Variants in PKIB observed in about 807,000 individuals in gnomAD.
PKIB encodes the protein cAMP-dependent protein kinase inhibitor beta.
Under a neutral mutation model 4.5 loss-of-function variants are expected in PKIB, and 2 were observed. The ratio of observed to expected loss-of-function variants is 0.44; its 90% CI spans 0.18 to 1.39. The LOEUF is 1.39. Ranked by LOEUF, PKIB falls within the 40% of genes most tolerant of loss-of-function variation. PKIB has a pLI of 0.27. For synonymous variants in PKIB, 38 were observed against 36.0 expected (o/e 1.06, Z -0.20); for missense variants, 94 against 92.6 (o/e 1.02, Z -0.06).
At chr6:122,489,367 C>G (rs911999406) in intron 2 of PKIB, among the ~76,000 whole-genome samples, 5 of 152,070 alleles carry the variant, frequency 3.3e-5, no homozygotes, top group African/African-American at 4.8e-5. Context: ...CCTGCCTCAG[C>G]CTCCTGAGTA....
At chr6:122,681,482 T>C (rs1239708284) in intron 3 of PKIB, among the ~76,000 whole-genome samples, 2 of 152,214 alleles carry the variant, frequency 1.3e-5, no homozygotes, top group Non-Finnish European at 2.9e-5. Flanking sequence ...ACTCCAATGA[T>C]ATAACATTTC....
intron 2 of PKIB, among the ~76,000 whole-genome samples, chr6:122,499,618 A>C (rs535336598): frequency 1.2e-4 from 18 of 152,322 alleles, no homozygotes; most frequent in African/African-American, 4.3e-4. Flanking sequence ...GAATGGACAA[A>C]AGCTGGAAGC....
At chr6:122,595,497 G>A (rs959244331) in intron 3 of PKIB, among the ~76,000 whole-genome samples, 3 of 152,154 alleles carry the variant, frequency 2.0e-5, no homozygotes, top group Non-Finnish European at 4.4e-5. Flanking sequence ...TCCACAGATG[G>A]TAGTCTTGGC....
intron 3 of PKIB, among the ~76,000 whole-genome samples, chr6:122,603,641 C>T (rs138073708): frequency 5.9e-5 from 9 of 152,070 alleles, no homozygotes; most frequent in Admixed American, 1.3e-4. Context: ...CTACCACGCC[C>T]GGCTAATTTA....
intron 2 of PKIB, among the ~76,000 whole-genome samples, chr6:122,646,852 T>C (rs11154102): frequency 0.25 from 38,708 of 152,124 alleles, 5,409 homozygotes; most frequent in East Asian, 0.37. Flanking sequence ...ATATTTCTAG[T>C]ACACCCTTGG....
At chr6:122,497,311 C>T (rs142993611) in intron 2 of PKIB, among the ~76,000 whole-genome samples, 36 of 152,308 alleles carry the variant, frequency 2.4e-4, no homozygotes, top group Admixed American at 2.0e-3. Flanking sequence ...ACAACAACTA[C>T]ACAATAGCAA....
At chr6:122,607,260 G>C (rs1039793338), upstream of PKIB, among the ~76,000 whole-genome samples, 8 of 151,714 alleles carry the variant, frequency 5.3e-5, no homozygotes, top group Non-Finnish European at 7.4e-5. Flanking sequence ...GATCGCTTGA[G>C]CCCAGGAGTT....
At chr6:122,609,211 T>C (rs933554400), upstream of PKIB, among the ~76,000 whole-genome samples, 1 of 152,132 alleles carries the variant, frequency 6.6e-6, no homozygotes, top group African/African-American at 2.4e-5. Context: ...TTCAGAAAAA[T>C]CACAGCTTTA....
chr6:122,582,986 A>G (rs1296821362), intron 2 of PKIB, among the ~76,000 whole-genome samples: 1 of 152,074 alleles, frequency 6.6e-6, no homozygotes, highest in East Asian at 1.9e-4. Context: ...ATTGATTAAT[A>G]CTTAGTCATA....
intron 2 of PKIB, among the ~76,000 whole-genome samples, chr6:122,533,055 A>T (rs1777303097): frequency 6.6e-6 from 1 of 152,198 alleles, no homozygotes; most frequent in Middle Eastern, 3.4e-3. Flanking sequence ...GCAGTTCTTT[A>T]TATATTTGGG....
intron 2 of PKIB, among the ~76,000 whole-genome samples, chr6:122,533,234 A>G (rs1777311947): frequency 6.6e-6 from 1 of 151,950 alleles, no homozygotes; most frequent in Admixed American, 6.6e-5. Context: ...CAGTGGCATG[A>G]TCTTGGCTCA....
intron 2 of PKIB, among the ~76,000 whole-genome samples, chr6:122,658,822 T>C (rs1776873420): frequency 1.1e-5 from 1 of 90,396 alleles, no homozygotes; most frequent in South Asian, 5.9e-4. Context: ...ATGTTAACAG[T>C]AGCATTTATT....
intron 2 of PKIB, among the ~76,000 whole-genome samples, chr6:122,669,599 T>C (rs1038665303): frequency 2.6e-5 from 4 of 152,322 alleles, no homozygotes; most frequent in African/African-American, 4.8e-5. Context: ...GTATATACTA[T>C]ACAAAATTGC....
At chr6:122,636,251 G>T (rs1582761813) in intron 2 of PKIB, among the ~76,000 whole-genome samples, 1 of 151,860 alleles carries the variant, frequency 6.6e-6, no homozygotes. Context: ...GCCTCTCAAA[G>T]GTTATAATTA....
At chr6:122,608,787 T>C (rs1189314851), upstream of PKIB, among the ~76,000 whole-genome samples, 1 of 152,124 alleles carries the variant, frequency 6.6e-6, no homozygotes, top group Admixed American at 6.5e-5. Flanking sequence ...CTCACATTGA[T>C]CCCAAAATAC....
intron 2 of PKIB, among the ~76,000 whole-genome samples, chr6:122,558,749 A>T (rs1018703270): frequency 6.6e-6 from 1 of 152,074 alleles, no homozygotes; most frequent in African/African-American, 2.4e-5. Flanking sequence ...TAATCAATTG[A>T]TTAATATATA....
rs189098861 is a variant in PKIB, at chr6:122,617,590, G to A, written c.-161+7055G>A. Among the ~76,000 whole-genome samples, 497 of 152,166 alleles carry A rather than the reference G, an allele frequency of 3.3e-3. 7 individuals carry two copies. Among genetic ancestry groups the A allele is most frequent in the African/African-American group, 9.7e-3 (402 of 41,524 alleles). ...TTATTTTTACCAACTCTTTAAAAAA[G>A]TATTTTAATTTATCCCAACTTGATG... On this transcript the variant is annotated intron_variant, in intron 1 of 4. Transcript: ENST00000368452.
chr6:122,569,763 A>T (rs560571896), intron 2 of PKIB, among the ~76,000 whole-genome samples: 1 of 152,334 alleles, frequency 6.6e-6, no homozygotes, highest in South Asian at 2.1e-4. Flanking sequence ...AGGAATTCCC[A>T]TTCTTAGGGG....
At chr6:122,704,823 C>T (rs1312062828) in intron 3 of PKIB, among the ~76,000 whole-genome samples, 2 of 151,652 alleles carry the variant, frequency 1.3e-5, no homozygotes, top group African/African-American at 4.8e-5. Flanking sequence ...TTCTTGAAAC[C>T]CCAGTACTTT....
Sources: allele counts gnomAD v4.1 joint callset (sites outside exome capture counted in the v4.1 genomes callset), GRCh38; gene constraint gnomAD v4.1.1; transcripts MANE v1.5; gene names NCBI Gene and HGNC (gene_info 2026-07-23, HGNC 2026-07-21).